The following MEF2C variants were observed in gnomAD, a reference collection of about 807,000 sequenced individuals.
The protein encoded by MEF2C is myocyte enhancer factor 2C.
A neutral mutation model predicts 50.5 loss-of-function variants in MEF2C; 6 were observed. The ratio of observed to expected loss-of-function variants is 0.12; its 90% CI spans 0.07 to 0.23. MEF2C has a LOEUF of 0.23. MEF2C is among the 10% of genes least tolerant of loss of function. The pLI, the probability that MEF2C is intolerant of heterozygous loss-of-function variation, is 1.00. For synonymous variants in MEF2C, 183 were observed against 228.0 expected, an observed-to-expected ratio of 0.80 and a Z score of 1.78; for missense variants, 276 against 605.0, an observed-to-expected ratio of 0.46 and a Z score of 5.70.
intron 3 of MEF2C, chr5:88,771,741 G>T: frequency 3.3e-6 from 1 of 298,564 alleles, no homozygotes; most frequent in Non-Finnish European, 4.9e-6. Flanking sequence ...GTCTTGTAGA[G>T]TGACAGTACT....
intron 6 of MEF2C, chr5:88,741,945 G>C (rs1372563655): frequency 1.0e-6 from 1 of 984,890 alleles, no homozygotes; most frequent in Non-Finnish European, 1.2e-6. Context: ...TAATACTTAA[G>C]TTTAACATAG....
At chr5:88,834,163 A>G (rs1395253685) in intron 1 of MEF2C, among the ~76,000 whole-genome samples, 2 of 152,128 alleles carry the variant, frequency 1.3e-5, no homozygotes, top group African/African-American at 4.8e-5. Flanking sequence ...GCAGGGTGAC[A>G]GTTAAATGTC....
chr5:88,797,831 G>A (rs1308152265), intron 3 of MEF2C, among the ~76,000 whole-genome samples: 1 of 152,104 alleles, frequency 6.6e-6, no homozygotes, highest in African/African-American at 2.4e-5. Context: ...CCCTTGTAAG[G>A]CAGGCCTAGT....
At chr5:88,859,579 T>C (rs897782347) in intron 1 of MEF2C, among the ~76,000 whole-genome samples, 42 of 152,244 alleles carry the variant, frequency 2.8e-4, no homozygotes, top group Non-Finnish European at 5.0e-4. Context: ...ATGTTTTCAG[T>C]ATCCTATTTT....
chr5:88,804,846 C>A lies in MEF2C; in HGVS notation c.55-45G>T, dbSNP rs185608147. On this transcript the variant is annotated intron_variant, in intron 2 of 10. Coordinates refer to ENST00000504921, the MANE Select transcript of MEF2C (RefSeq NM_002397.5). ...CAAGATTTTTTAAAAAATATTCATG[C>A]ATGTGTGGTTTTTTTCTTTTCTTTT... 5 of 1,509,292 alleles carry A rather than the reference C, an allele frequency of 3.3e-6. No homozygotes were observed. In the African/African-American group the frequency reaches 4.2e-5, roughly 13 times the overall value. The allele number at this position is 1,509,292 out of a possible 1,614,324, so 93.5% of individuals were successfully genotyped here. A position where few individuals can be genotyped will look rare whatever the true frequency, so the allele number is the denominator to read the frequency against.
At chr5:88,834,684 G>A (rs1814371755) in intron 1 of MEF2C, among the ~76,000 whole-genome samples, 1 of 152,230 alleles carries the variant, frequency 6.6e-6, no homozygotes, top group South Asian at 2.1e-4. Flanking sequence ...TGACGTTTGA[G>A]GAAAGCCCTA....
intron 10 of MEF2C, among the ~76,000 whole-genome samples, chr5:88,723,696 TTAA>T (rs370497320): frequency 6.8e-4 from 104 of 152,382 alleles, no homozygotes; most frequent in Middle Eastern, 6.8e-3. Flanking sequence ...CTCAATTTTA[TTAA>T]TGTTAGTCAC....
At chr5:88,785,654 G>A (rs190109894) in intron 3 of MEF2C, 2 of 152,232 alleles carry the variant, frequency 1.3e-5, no homozygotes, top group Admixed American at 1.3e-4. Context: ...TATTATAACA[G>A]AGTTTCCTCT....
intron 3 of MEF2C, among the ~76,000 whole-genome samples, chr5:88,783,054 A>G (rs1324716824): frequency 1.3e-5 from 2 of 152,102 alleles, no homozygotes; most frequent in Non-Finnish European, 2.9e-5. Context: ...TTTTTCATCA[A>G]TTGATATCCA....
At chr5:88,890,094 A>G (rs1223759004) in intron 1 of MEF2C, among the ~76,000 whole-genome samples, 2 of 152,226 alleles carry the variant, frequency 1.3e-5, no homozygotes, top group Admixed American at 1.3e-4. Flanking sequence ...ACTGGATTTT[A>G]TAGTCTGAGC....
intron 1 of MEF2C, among the ~76,000 whole-genome samples, chr5:88,856,722 G>A (rs180919473): frequency 3.6e-4 from 55 of 152,374 alleles, no homozygotes; most frequent in Non-Finnish European, 5.6e-4. Flanking sequence ...CGGCTTACAC[G>A]TGGTGTTGGG....
intron 6 of MEF2C, chr5:88,743,002 T>C: frequency 1.0e-6 from 1 of 974,214 alleles, no homozygotes; most frequent in African/African-American, 1.7e-5. Context: ...ACTTATGTTT[T>C]GGGTGAACTC....
chr5:88,776,891 C>T (rs954675728), intron 3 of MEF2C, among the ~76,000 whole-genome samples: 1 of 152,218 alleles, frequency 6.6e-6, no homozygotes, highest in Non-Finnish European at 1.5e-5. Context: ...TTGTCTAACT[C>T]AACAAGGCCA....
chr5:88,804,825 A>AT (rs780267640), intron 2 of MEF2C, 24 bp from the exon 3 acceptor site: 3 of 1,598,278 alleles, frequency 1.9e-6, no homozygotes, highest in South Asian at 1.1e-5. Flanking sequence ...AGCAGCCAAG[A>AT]TTTTTTAAAA....
chr5:88,810,430 A>G (rs1422680688), intron 2 of MEF2C, among the ~76,000 whole-genome samples: 1 of 152,168 alleles, frequency 6.6e-6, no homozygotes, highest in Non-Finnish European at 1.5e-5. Context: ...CTGGATAAAA[A>G]AGATGAAAGA....
intron 5 of MEF2C, chr5:88,750,993 C>G: frequency 1.4e-6 from 1 of 705,804 alleles, no homozygotes; most frequent in East Asian, 1.3e-4. Context: ...CTTAGAAATA[C>G]AATTATTTTT....
chr5:88,863,432 G>A (rs1011676678), intron 1 of MEF2C, among the ~76,000 whole-genome samples: 13 of 152,226 alleles, frequency 8.5e-5, no homozygotes, highest in Admixed American at 3.9e-4. Flanking sequence ...AGAGCCAAAG[G>A]TAGTTTTCAA....
chr5:88,840,390 G>A (rs1287607026), intron 1 of MEF2C, among the ~76,000 whole-genome samples: 1 of 151,534 alleles, frequency 6.6e-6, no homozygotes, highest in African/African-American at 2.4e-5. Flanking sequence ...TTATTTTTTC[G>A]CCATCTTTGC....
intron 8 of MEF2C, 123 bp downstream of exon 8, chr5:88,730,088 A>T: frequency 1.1e-6 from 1 of 910,416 alleles, no homozygotes; most frequent in Non-Finnish European, 1.6e-6. Context: ...AATGGTATTT[A>T]AACATAATCA....
Sources: gnomAD v4.1 joint callset for allele counts (sites outside exome capture counted in the v4.1 genomes callset) on GRCh38, gnomAD v4.1.1 for gene constraint, MANE v1.5 for transcripts, NCBI Gene and HGNC (gene_info 2026-07-23, HGNC 2026-07-21) for gene names.